Variants in ALK observed in about 807,000 individuals in gnomAD.
The protein encoded by ALK is ALK tyrosine kinase receptor.
ALK carries 74 observed loss-of-function variants against 163.1 expected under a neutral mutation model. The ratio of observed to expected loss-of-function variants is 0.45; its 90% CI spans 0.38 to 0.55. ALK has a LOEUF of 0.55. Ranked by LOEUF, ALK falls within the 20% of genes least tolerant of loss-of-function variation. The pLI is 0.00. For synonymous variants in ALK, 960 were observed against 843.2 expected (o/e 1.14, Z -2.40); for missense variants, 2,063 against 2,105.3 (o/e 0.98, Z 0.39).
At chr2:29,348,377 T>C (rs190151669) in intron 5 of ALK, among the ~76,000 whole-genome samples, 1 of 152,314 alleles carries the variant, frequency 6.6e-6, no homozygotes, top group East Asian at 1.9e-4. Flanking sequence ...TTTCTGTTCA[T>C]TTGGTATTTG....
intron 1 of ALK, among the ~76,000 whole-genome samples, chr2:29,900,979 AAGAG>A (rs372397564): frequency 1.3e-4 from 19 of 146,820 alleles, no homozygotes; most frequent in South Asian, 6.4e-4. Context: ...GAAAGAAAGA[AAGAG>A]AGAGAGAGAG....
intron 4 of ALK, among the ~76,000 whole-genome samples, chr2:29,502,978 T>C (rs1672225181): frequency 6.6e-6 from 1 of 152,072 alleles, no homozygotes; most frequent in South Asian, 2.1e-4. Context: ...ACTAAGACAG[T>C]TCAGGGTAGA....
Position 29,622,611 on chromosome 2 carries a change from A to G in ALK, c.952+72239T>C, listed in dbSNP as rs1676067278. 4.6e-5 allele frequency among the ~76,000 whole-genome samples: 7 copies of G among 152,232 alleles called. No homozygotes were observed. The South Asian group carries it at 1.5e-3, about 32-fold the overall frequency. ...TATTAAGCAGCTTTGAAAAATCATA[A>G]CTTTACACAGAACCCAGCTTCTCTG... On this transcript the variant is annotated intron_variant, in intron 3 of 28. Coordinates refer to ENST00000389048, the MANE Select transcript of ALK (RefSeq NM_004304.5).
chr2:29,907,321 G>A (rs1295243159), intron 1 of ALK: 1 of 152,076 alleles, frequency 6.6e-6, no homozygotes, highest in Non-Finnish European at 1.5e-5. Context: ...TTTCCTCCAT[G>A]CTGCTGAACC....
intron 1 of ALK, among the ~76,000 whole-genome samples, chr2:29,719,589 T>C (rs73921494): frequency 0.03 from 4,565 of 152,328 alleles, 178 homozygotes; most frequent in African/African-American, 0.093. Context: ...TGTGATTTTG[T>C]TTACTTCTTA....
At chr2:29,793,552 C>A (rs756159398) in intron 1 of ALK, among the ~76,000 whole-genome samples, 5 of 152,098 alleles carry the variant, frequency 3.3e-5, no homozygotes, top group Non-Finnish European at 7.4e-5. Flanking sequence ...CCTTACAAGA[C>A]ATGTTTCTTA....
At chr2:29,427,876 G>T (rs976704205) in intron 4 of ALK, among the ~76,000 whole-genome samples, 1 of 151,938 alleles carries the variant, frequency 6.6e-6, no homozygotes, top group African/African-American at 2.4e-5. Context: ...CATACGCTAG[G>T]TCACAAAACA....
chr2:29,755,464 G>A (rs1023294674), intron 1 of ALK, among the ~76,000 whole-genome samples: 2 of 152,182 alleles, frequency 1.3e-5, no homozygotes, highest in African/African-American at 4.8e-5. Flanking sequence ...ACCTATTTCT[G>A]CAGACTATCT....
chr2:29,598,913 T>C (rs1675294412), intron 3 of ALK, among the ~76,000 whole-genome samples: 1 of 152,200 alleles, frequency 6.6e-6, no homozygotes, highest in African/African-American at 2.4e-5. Context: ...TTAAGCCATC[T>C]CTTTTGTTCC....
intron 1 of ALK, among the ~76,000 whole-genome samples, chr2:29,831,118 A>AGAGGGGGAAGAAGGG (rs1665390385): frequency 1.8e-5 from 1 of 55,478 alleles, no homozygotes; most frequent in African/African-American, 7.4e-5. Flanking sequence ...GAGAAGAAGA[A>AGAGGGGGAAGAAGGG]GAAGAAGGGG....
chr2:29,772,058 A>G (rs1291342050), intron 1 of ALK, among the ~76,000 whole-genome samples: 1 of 152,194 alleles, frequency 6.6e-6, no homozygotes, highest in African/African-American at 2.4e-5. Context: ...GATGAGGCAG[A>G]TGGCAGGGCC....
intron 1 of ALK, among the ~76,000 whole-genome samples, chr2:29,908,725 G>C (rs1477970536): frequency 6.6e-6 from 1 of 152,164 alleles, no homozygotes; most frequent in Non-Finnish European, 1.5e-5. Flanking sequence ...AGATTTGGAG[G>C]TACAGCATGA....
chr2:29,902,556 G>C (rs931596812), intron 1 of ALK, among the ~76,000 whole-genome samples: 9 of 152,134 alleles, frequency 5.9e-5, no homozygotes, highest in Non-Finnish European at 1.0e-4. Context: ...AACACCCTCT[G>C]CTTGCTCTCC....
chr2:29,550,609 G>T (rs1016755460), intron 3 of ALK, among the ~76,000 whole-genome samples: 4 of 152,138 alleles, frequency 2.6e-5, no homozygotes, highest in African/African-American at 9.7e-5. Flanking sequence ...TGAAATTTGG[G>T]CTTTGTTATC....
rs750591409 is a variant in ALK, at chr2:29,613,935, G to C, written c.952+80915C>G. On this transcript the variant is annotated intron_variant, in intron 3 of 28. Transcript: ENST00000389048. The stretch of plus-strand genomic sequence containing the variant: ...AAAAAGGGGGGGTTCTACAGCTCAG[G>C]GACTAATGGGCAATGAAACAGGAGC... Among the ~76,000 whole-genome samples the C allele has an allele frequency of 6.4e-4, 98 of 152,102 alleles. 1 individual carries two copies. The highest frequency in any genetic ancestry group is 1.5e-4 in the Non-Finnish European group (10 of 68,030).
At chr2:29,194,602 C>A (rs1668976554) in intron 28 of ALK, among the ~76,000 whole-genome samples, 1 of 152,116 alleles carries the variant, frequency 6.6e-6, no homozygotes, top group Admixed American at 6.6e-5. Flanking sequence ...TGGGTTCAAG[C>A]CATTCTCGTG....
intron 4 of ALK, among the ~76,000 whole-genome samples, chr2:29,456,176 T>C (rs1224078677): frequency 6.6e-6 from 1 of 152,090 alleles, no homozygotes; most frequent in Non-Finnish European, 1.5e-5. Context: ...CTCAAAAAGT[T>C]AAACATAGAA....
At chr2:29,900,924 A>T (rs1480798123) in intron 1 of ALK, among the ~76,000 whole-genome samples, 1 of 152,152 alleles carries the variant, frequency 6.6e-6, no homozygotes, top group Non-Finnish European at 1.5e-5. Context: ...CTCGATTTTC[A>T]TCCTACTCCA....
At chr2:29,644,629 T>G (rs997057677) in intron 3 of ALK, among the ~76,000 whole-genome samples, 3 of 148,666 alleles carry the variant, frequency 2.0e-5, no homozygotes, top group African/African-American at 7.7e-5. Context: ...AGGAATCAAA[T>G]TGCTAGCCAT....
Sources: gnomAD v4.1 joint callset for allele counts (sites outside exome capture counted in the v4.1 genomes callset) on GRCh38, gnomAD v4.1.1 for gene constraint, MANE v1.5 for transcripts, NCBI Gene and HGNC (gene_info 2026-07-23, HGNC 2026-07-21) for gene names.